The following GPHN variants were observed in gnomAD, a reference collection of about 807,000 sequenced individuals.
The protein encoded by GPHN is gephyrin.
Under a neutral mutation model 95.5 loss-of-function variants are expected in GPHN, and 17 were observed. The observed-to-expected ratio is 0.18, with a 90% confidence interval of 0.12 to 0.27. The LOEUF (loss-of-function observed/expected upper bound fraction) is 0.27. GPHN is among the 10% of genes least tolerant of loss of function. The pLI is 1.00. For missense variants in GPHN, 660 were observed against 978.1 expected (o/e 0.67, Z 4.34); for synonymous variants, 320 against 322.5 (o/e 0.99, Z 0.08).
chr14:67,448,639 G>A, the GPHN span, among the ~76,000 whole-genome samples: 20 of 152,034 alleles, frequency 1.3e-4, no homozygotes, highest in African/African-American at 4.8e-4. Context: ...ATGGTGGGGG[G>A]CTGTGGAGGG....
chr14:66,696,559 C>T (rs2068110656), intron 2 of GPHN, among the ~76,000 whole-genome samples: 1 of 152,174 alleles, frequency 6.6e-6, no homozygotes, highest in Non-Finnish European at 1.5e-5. Context: ...CTCTGTTTAG[C>T]CAAAGGGCGT....
the GPHN span, among the ~76,000 whole-genome samples, chr14:67,462,526 C>T: frequency 5.7e-3 from 871 of 152,182 alleles, 10 homozygotes; most frequent in African/African-American, 0.02. Flanking sequence ...CTTTAAAAAA[C>T]AGAGATAGGG....
intron 1 of GPHN, among the ~76,000 whole-genome samples, chr14:66,654,771 T>G (rs28827770): frequency 0.33 from 49,857 of 152,124 alleles, 12,031 homozygotes; most frequent in African/African-American, 0.66. Context: ...CCTAAAACTT[T>G]TATAGTTTTA....
chr14:67,290,814 C>T, the GPHN span, among the ~76,000 whole-genome samples: 14 of 152,222 alleles, frequency 9.2e-5, no homozygotes, highest in Admixed American at 2.6e-4. Context: ...GGGTTACAGA[C>T]CTGAGCCACT....
At chr14:67,692,453 T>C in the GPHN span, 2 of 1,614,154 alleles carry the variant, frequency 1.2e-6, no homozygotes, top group Non-Finnish European at 1.7e-6. Context: ...AAGAAGCCCT[T>C]AGCAAAAGCT....
the GPHN span, chr14:67,380,704 G>A: frequency 1.3e-6 from 2 of 1,585,316 alleles, no homozygotes; most frequent in African/African-American, 1.4e-5. Flanking sequence ...AAGATGAACG[G>A]GAAGTACTCA....
At chr14:67,251,807 G>C in the GPHN span, among the ~76,000 whole-genome samples, 1 of 152,142 alleles carries the variant, frequency 6.6e-6, no homozygotes, top group Non-Finnish European at 1.5e-5. Context: ...GTCAACTCTT[G>C]GCAGGCCCCT....
the GPHN span, among the ~76,000 whole-genome samples, chr14:67,273,805 A>C: frequency 6.6e-6 from 1 of 152,126 alleles, no homozygotes; most frequent in Non-Finnish European, 1.5e-5. Flanking sequence ...CTTTTTAATG[A>C]TCGCCATTCT....
chr14:67,641,288 T>A, the GPHN span, among the ~76,000 whole-genome samples: 1 of 152,240 alleles, frequency 6.6e-6, no homozygotes, highest in Non-Finnish European at 1.5e-5. Context: ...TATCTCAATA[T>A]ATATATAATG....
intron 1 of GPHN, among the ~76,000 whole-genome samples, chr14:66,549,061 A>T (rs1432156969): frequency 6.6e-6 from 1 of 152,104 alleles, no homozygotes; most frequent in Non-Finnish European, 1.5e-5. Context: ...GTATCTAAAT[A>T]TATGTATTAT....
the GPHN span, chr14:67,659,882 G>T: frequency 1.9e-6 from 3 of 1,614,078 alleles, no homozygotes; most frequent in African/African-American, 2.7e-5. Context: ...GTTTCGGAAA[G>T]ACAGGGGTGC....
At chr14:66,786,809 C>G (rs146228761) in intron 3 of GPHN, among the ~76,000 whole-genome samples, 2 of 152,160 alleles carry the variant, frequency 1.3e-5, no homozygotes, top group African/African-American at 4.8e-5. Flanking sequence ...AAAATAGCAT[C>G]TGACAAAATT....
At chr14:66,599,392 A>ATTTTTCTTTTTTT (rs2062126657) in intron 1 of GPHN, among the ~76,000 whole-genome samples, 1 of 76,524 alleles carries the variant, frequency 1.3e-5, no homozygotes, top group Non-Finnish European at 2.3e-5. Flanking sequence ...TTTTTTTTGC[A>ATTTTTCTTTTTTT]TTTTTTTTTT....
chr14:67,303,438 C>A, the GPHN span: 1 of 1,075,184 alleles, frequency 9.3e-7, no homozygotes, highest in Admixed American at 1.8e-5. Context: ...TGAAATAGTC[C>A]AGTTTAGGGA....
At chr14:67,483,914 C>T in the GPHN span, among the ~76,000 whole-genome samples, 1 of 152,324 alleles carries the variant, frequency 6.6e-6, no homozygotes, top group Non-Finnish European at 1.5e-5. Flanking sequence ...GGAGGCAGGG[C>T]AGGGTGAGTG....
chr14:67,313,724 A>G, the GPHN span, among the ~76,000 whole-genome samples: 1 of 152,170 alleles, frequency 6.6e-6, no homozygotes, highest in Non-Finnish European at 1.5e-5. Flanking sequence ...TGGTGCTGAG[A>G]TAAACTTCGC....
intron 1 of GPHN, among the ~76,000 whole-genome samples, chr14:66,558,563 T>C (rs1293568315): frequency 6.6e-6 from 1 of 152,152 alleles, no homozygotes; most frequent in East Asian, 1.9e-4. Flanking sequence ...AATGTGCTCT[T>C]AGTCTTGATA....
At chr14:66,626,239 A>G (rs1408409875) in intron 1 of GPHN, among the ~76,000 whole-genome samples, 1 of 152,214 alleles carries the variant, frequency 6.6e-6, no homozygotes, top group Non-Finnish European at 1.5e-5. Flanking sequence ...TCTTATAGAT[A>G]GGAAAAGTAA....
the GPHN span, among the ~76,000 whole-genome samples, chr14:67,630,071 T>C: frequency 7.2e-5 from 11 of 152,228 alleles, no homozygotes; most frequent in East Asian, 1.9e-4. Context: ...CTCAAGCTCA[T>C]GCTTTTCCAG....
Sources: allele counts gnomAD v4.1 joint callset (sites outside exome capture counted in the v4.1 genomes callset), GRCh38; gene constraint gnomAD v4.1.1; transcripts MANE v1.5; gene names NCBI Gene and HGNC (gene_info 2026-07-23, HGNC 2026-07-21).